Variants in CTCF observed in about 807,000 individuals in gnomAD.
CTCF encodes transcriptional repressor CTCF.
Under a neutral mutation model 72.3 loss-of-function variants are expected in CTCF, and 7 were observed. That is an observed-to-expected ratio of 0.10 (90% confidence interval 0.06 to 0.18). CTCF has a LOEUF of 0.18. Ranked by LOEUF, CTCF falls within the 10% of genes least tolerant of loss-of-function variation. The pLI is 1.00. For synonymous variants in CTCF, 374 were observed against 315.8 expected (o/e 1.18, Z -1.95); for missense variants, 516 against 949.1 (o/e 0.54, Z 6.00).
chr16:67,569,614 G>A (rs1270938167), intron 1 of CTCF, among the ~76,000 whole-genome samples: 2 of 151,482 alleles, frequency 1.3e-5, no homozygotes, highest in Non-Finnish European at 2.9e-5. Context: ...TCCGTTATTC[G>A]ACTAAAAAAA....
At chr16:67,595,150 C>T (rs952024540) in intron 2 of CTCF, among the ~76,000 whole-genome samples, 5 of 152,088 alleles carry the variant, frequency 3.3e-5, no homozygotes, top group Non-Finnish European at 7.4e-5. Context: ...TTTAATGTGG[C>T]GTCAATATTC....
chr16:67,579,084 A>G (rs1197112881), intron 2 of CTCF, among the ~76,000 whole-genome samples: 2 of 151,488 alleles, frequency 1.3e-5, no homozygotes, highest in African/African-American at 2.4e-5. Flanking sequence ...GTGAAACCCC[A>G]TCTCTACTAA....
At chr16:67,580,200 A>T (rs2051560612) in intron 2 of CTCF, among the ~76,000 whole-genome samples, 2 of 152,146 alleles carry the variant, frequency 1.3e-5, no homozygotes, top group African/African-American at 4.8e-5. Context: ...AGTTTGTTAA[A>T]TTATAATGAT....
At chr16:67,633,801 C>A (rs751152133) in intron 10 of CTCF, among the ~76,000 whole-genome samples, 88 of 151,982 alleles carry the variant, frequency 5.8e-4, no homozygotes, top group Admixed American at 1.2e-3. Flanking sequence ...CACACACACA[C>A]ACACACACAC....
At chr16:67,576,175 A>T (rs1166184699) in intron 2 of CTCF, among the ~76,000 whole-genome samples, 2 of 151,106 alleles carry the variant, frequency 1.3e-5, no homozygotes, top group Admixed American at 6.6e-5. Flanking sequence ...GAAGGCTGTT[A>T]ACCAGCAAAA....
chr16:67,637,173 A>G (rs1452935894), intron 11 of CTCF, among the ~76,000 whole-genome samples: 2 of 152,202 alleles, frequency 1.3e-5, no homozygotes, highest in Non-Finnish European at 2.9e-5. Flanking sequence ...TGCGGTAATG[A>G]ATATAAAAGA....
At position 67,637,744 on chromosome 16, in the gene CTCF, G is replaced by T. The variant is rs747206953; in HGVS notation, c.2056G>T (p.Val686Phe). ...QNTGAIENII[V>F]EVKKEPDAEP... ...TACAGGTGCAATTGAGAACATTATA[G>T]TTGAAGTAAAAAAAGAGCCAGATGC... Residue 686 changes from valine to phenylalanine, a missense_variant, in exon 12 of 12, where the codon GTT becomes TTT. Transcript: ENST00000264010. The T allele has an allele frequency of 3.1e-6, 5 of 1,613,792 alleles. No individual in the cohort carries two copies. Among genetic ancestry groups the T allele is most frequent in the Non-Finnish European group, 4.2e-6 (5 of 1,180,042 alleles).
At chr16:67,564,380 G>C (rs937003477) in intron 1 of CTCF, among the ~76,000 whole-genome samples, 4 of 152,178 alleles carry the variant, frequency 2.6e-5, no homozygotes, top group African/African-American at 7.2e-5. Flanking sequence ...TAAACAGCCT[G>C]GTCCTAACCA....
chr16:67,624,650 T>C (rs1372964628), intron 7 of CTCF, among the ~76,000 whole-genome samples: 1 of 152,024 alleles, frequency 6.6e-6, no homozygotes, highest in African/African-American at 2.4e-5. Flanking sequence ...TGGAGTTCGG[T>C]GGCTCAGTCT....
intron 2 of CTCF, among the ~76,000 whole-genome samples, chr16:67,602,742 G>A (rs2142794978): frequency 6.6e-6 from 1 of 151,520 alleles, no homozygotes; most frequent in East Asian, 1.9e-4. Flanking sequence ...TCGGGAGGCT[G>A]AGGCAGGAGA....
intron 2 of CTCF, among the ~76,000 whole-genome samples, chr16:67,580,740 T>C (rs963613032): frequency 5.4e-4 from 81 of 148,822 alleles, no homozygotes; most frequent in South Asian, 4.2e-4. Flanking sequence ...TTTGTACTTT[T>C]AGTAGAGGCA....
intron 7 of CTCF, among the ~76,000 whole-genome samples, chr16:67,624,125 G>A (rs924727936): frequency 4.0e-5 from 5 of 124,894 alleles, no homozygotes; most frequent in African/African-American, 1.7e-4. Flanking sequence ...GTATGTGTGT[G>A]TATATATATG....
At chr16:67,612,334 T>TA (rs368211201) in intron 4 of CTCF, 32 of 396,896 alleles carry the variant, frequency 8.1e-5, no homozygotes, top group East Asian at 2.3e-4. Context: ...CCCTCTCTCT[T>TA]AAAAAAAAGA....
intron 7 of CTCF, among the ~76,000 whole-genome samples, chr16:67,625,758 A>G (rs905511709): frequency 2.0e-5 from 3 of 152,006 alleles, no homozygotes; most frequent in African/African-American, 7.3e-5. Context: ...TGGCATTTCA[A>G]ATTCAGCATG....
intron 1 of CTCF, among the ~76,000 whole-genome samples, chr16:67,565,560 C>T (rs1376759224): frequency 6.6e-6 from 1 of 151,144 alleles, no homozygotes; most frequent in Non-Finnish European, 1.5e-5. Context: ...GTAGTCCTGG[C>T]TACTAGGGAG....
chr16:67,586,905 C>T (rs764131043), intron 2 of CTCF, among the ~76,000 whole-genome samples: 6 of 151,858 alleles, frequency 4.0e-5, no homozygotes, highest in East Asian at 1.9e-4. Flanking sequence ...GCAATCCTCC[C>T]GCCTCAGCCT....
chr16:67,636,932 G>T, intron 11 of CTCF, 81 bp downstream of exon 11: 5 of 1,275,314 alleles, frequency 3.9e-6, no homozygotes, highest in Non-Finnish European at 5.2e-6. Context: ...GTTCTTTGGG[G>T]ATGTGGGAAC....
In CTCF at chr16:67,629,472, G is replaced by A. The variant is rs2052333692; in HGVS notation, c.1776G>A (p.Lys592=). 3 of 1,613,538 alleles carry A rather than the reference G, an allele frequency of 1.9e-6. No homozygotes were observed. Among genetic ancestry groups the A allele is most frequent in the African/African-American group, 2.7e-5 (2 of 74,978 alleles). Residue 592 remains lysine, a synonymous_variant, in exon 10 of 12, where the codon AAG becomes AAA. Transcript: ENST00000264010. ...AGGGGGAAAATGGAGGAGAAACGAA[G>A]AAGAGTAAACGTGGAAGAAAAAGAA... ...GVEGENGGET[K]KSKRGRKRKM...
intron 2 of CTCF, among the ~76,000 whole-genome samples, chr16:67,577,604 A>T (rs981434679): frequency 7.0e-6 from 1 of 143,680 alleles, no homozygotes; most frequent in Non-Finnish European, 1.5e-5. Flanking sequence ...CGCCTGCCTA[A>T]TTTTTTTTTT....
Sources: gnomAD v4.1 joint callset for allele counts (sites outside exome capture counted in the v4.1 genomes callset) on GRCh38, gnomAD v4.1.1 for gene constraint, MANE v1.5 for transcripts, NCBI Gene and HGNC (gene_info 2026-07-23, HGNC 2026-07-21) for gene names.